Variants in LEKR1 observed in about 807,000 individuals in gnomAD.
LEKR1 encodes the protein leucine, glutamate and lysine rich 1, also known as protein LEKR1.
A neutral mutation model predicts 72.4 loss-of-function variants in LEKR1; 59 were observed. The ratio of observed to expected loss-of-function variants is 0.82; its 90% CI spans 0.66 to 1.01. LEKR1 has a LOEUF of 1.01. Ranked by LOEUF, LEKR1 falls within the 50% of genes least tolerant of loss-of-function variation. The pLI is 0.00. For missense variants in LEKR1, 728 were observed against 759.2 expected, an observed-to-expected ratio of 0.96 and a Z score of 0.48; for synonymous variants, 257 against 263.2, an observed-to-expected ratio of 0.98 and a Z score of 0.23.
chr3:157,028,265 T>C lies in LEKR1; in HGVS notation c.1531T>C (p.Leu511=). The C allele has an allele frequency of 6.2e-7, 1 of 1,613,642 alleles. No homozygotes were observed. Among genetic ancestry groups the C allele is most frequent in the Non-Finnish European group, 8.5e-7 (1 of 1,179,784 alleles). Residue 511 remains leucine, a synonymous_variant, in exon 12 of 13, where the codon TTG becomes CTG. Coordinates refer to ENST00000356539, the MANE Select transcript of LEKR1 (RefSeq NM_001004316.3). Reference sequence around the variant, plus strand: ...TTTGGTTGCAGAATTTGAATCTCGCTTGAAGAAGGAAATTGACAGTAATGA... The same window carrying C: ...TTTGGTTGCAGAATTTGAATCTCGCCTGAAGAAGGAAATTGACAGTAATGA... ...KNLVAEFESR[L]KKEIDSNDSV... is the part of the protein sequence containing the mutation.
chr3:156,966,380 A>G, intron 6 of LEKR1, among the ~76,000 whole-genome samples: 1 of 152,258 alleles, frequency 6.6e-6, no homozygotes, highest in African/African-American at 2.4e-5. Context: ...CTTTCCTAGT[A>G]AAAGAAAGGG....
chr3:157,045,325 CCT>C lies in LEKR1; in HGVS notation c.1669-8_1669-7del. The C allele has an allele frequency of 1.3e-6, 2 of 1,594,484 alleles. No individual in the cohort carries two copies. The highest frequency in any genetic ancestry group is 1.7e-6 in the Non-Finnish European group (2 of 1,168,550). On this transcript the variant is annotated splice_polypyrimidine_tract_variant and intron_variant, in intron 12 of 12. Transcript: ENST00000356539. ...TAAAGCTAAGTCTGCTTTCTTTTCC[CCT>C]CTCTCTTTTCAGAATACTTTTCTTC...
intron 3 of LEKR1, among the ~76,000 whole-genome samples, chr3:156,870,163 G>C (rs1288747233): frequency 6.6e-6 from 1 of 151,894 alleles, no homozygotes; most frequent in Non-Finnish European, 1.5e-5. Context: ...TGTTCTTTTT[G>C]CTCAGGATTG....
At chr3:156,866,832 T>A (rs1286947912) in intron 3 of LEKR1, among the ~76,000 whole-genome samples, 1 of 151,912 alleles carries the variant, frequency 6.6e-6, no homozygotes, top group African/African-American at 2.4e-5. Context: ...GAGACCGTAT[T>A]TTATATTTTT....
intron 7 of LEKR1, among the ~76,000 whole-genome samples, chr3:156,986,039 G>A (rs944286163): frequency 3.3e-5 from 5 of 152,080 alleles, no homozygotes; most frequent in Middle Eastern, 3.2e-3. Context: ...AAGAAATACA[G>A]GTGGGCTCTA....
chr3:156,907,636 A>C (rs1471899777), intron 3 of LEKR1, among the ~76,000 whole-genome samples: 1 of 152,110 alleles, frequency 6.6e-6, no homozygotes, highest in African/African-American at 2.4e-5. Flanking sequence ...TACGTGCCCA[A>C]GTCATTCTTT....
chr3:156,870,670 C>A (rs1045196419), intron 3 of LEKR1, among the ~76,000 whole-genome samples: 1 of 151,982 alleles, frequency 6.6e-6, no homozygotes, highest in Non-Finnish European at 1.5e-5. Flanking sequence ...CCTTTTATTC[C>A]TTTCTCTTGC....
At chr3:156,985,605 C>T (rs183878290) in intron 7 of LEKR1, among the ~76,000 whole-genome samples, 101 of 152,090 alleles carry the variant, frequency 6.6e-4, no homozygotes, top group African/African-American at 2.3e-3. Context: ...GAGACTGAGG[C>T]GAGGCAGGTG....
At chr3:156,854,298 C>T (rs961757787) in intron 3 of LEKR1, among the ~76,000 whole-genome samples, 1 of 151,934 alleles carries the variant, frequency 6.6e-6, no homozygotes, top group Admixed American at 6.6e-5. Context: ...TACACACCAC[C>T]ATGCACGGCT....
intron 5 of LEKR1, among the ~76,000 whole-genome samples, chr3:156,928,670 A>G (rs146198807): frequency 1.2e-3 from 186 of 152,190 alleles, no homozygotes; most frequent in African/African-American, 4.3e-3. Flanking sequence ...AGCCAGAGAA[A>G]GAGAGCTCAA....
At chr3:156,924,757 A>T (rs962847209) in intron 4 of LEKR1, 2 of 382,168 alleles carry the variant, frequency 5.2e-6, no homozygotes, top group Non-Finnish European at 9.3e-6. Flanking sequence ...TAAATTCACC[A>T]TAAATGTAAA....
intron 2 of LEKR1, among the ~76,000 whole-genome samples, chr3:156,831,232 T>C (rs1322545026): frequency 2.0e-5 from 3 of 152,034 alleles, no homozygotes; most frequent in Non-Finnish European, 4.4e-5. Flanking sequence ...TACAAAAGCC[T>C]GAAAAAACAT....
At chr3:157,012,797 C>T (rs530114959) in intron 10 of LEKR1, among the ~76,000 whole-genome samples, 24 of 152,006 alleles carry the variant, frequency 1.6e-4, no homozygotes, top group African/African-American at 5.8e-4. Context: ...TTTTCTTTTC[C>T]TTCTCTAAGG....
At chr3:156,888,226 G>C (rs1383443681) in intron 3 of LEKR1, 1 of 680,578 alleles carries the variant, frequency 1.5e-6, no homozygotes, top group Non-Finnish European at 2.7e-6. Flanking sequence ...TAAAGCAGTT[G>C]GTCAACACTT....
At chr3:156,885,202 T>C (rs917527469) in intron 3 of LEKR1, among the ~76,000 whole-genome samples, 1 of 152,160 alleles carries the variant, frequency 6.6e-6, no homozygotes, top group African/African-American at 2.4e-5. Flanking sequence ...TTTTAAAAAA[T>C]TTCTTTGTGT....
intron 2 of LEKR1, among the ~76,000 whole-genome samples, 195 bp downstream of exon 2, chr3:156,829,572 GGAA>G (rs1712094919): frequency 1.3e-5 from 2 of 152,320 alleles, no homozygotes; most frequent in South Asian, 4.1e-4. Context: ...TTGCTGCTAT[GGAA>G]GAAGACATAT....
rs569251303 is a variant in LEKR1, at chr3:156,829,889, A to C, written c.48+512A>C. ...TTTGAAAAAACTCACAGGCGAACCA[A>C]GTAGCCTAGAAATATTGAAAAAATT... is the stretch of plus-strand genomic sequence containing the variant. On this transcript the variant is annotated intron_variant, in intron 2 of 12. Coordinates refer to ENST00000356539, the MANE Select transcript of LEKR1 (RefSeq NM_001004316.3). Among the ~76,000 whole-genome samples the C allele has an allele frequency of 1.6e-3, 238 of 152,338 alleles. 3 individuals are homozygous for C. The highest frequency in any genetic ancestry group is 5.6e-3 in the African/African-American group (232 of 41,582).
chr3:156,999,586 A>T (rs1450417843), intron 9 of LEKR1, among the ~76,000 whole-genome samples: 1 of 152,232 alleles, frequency 6.6e-6, no homozygotes, highest in Non-Finnish European at 1.5e-5. Context: ...TAAGGGGGAC[A>T]GGAGGCCAGC....
At chr3:156,853,022 A>G (rs77480839) in intron 3 of LEKR1, 40 bp downstream of exon 3, 93,528 of 1,312,076 alleles carry the variant, frequency 0.071, 3,682 homozygotes, top group South Asian at 0.12. Context: ...ATTTAGTTGA[A>G]AGACAGCTAC....
Sources: gnomAD v4.1 joint callset for allele counts (sites outside exome capture counted in the v4.1 genomes callset) on GRCh38, gnomAD v4.1.1 for gene constraint, MANE v1.5 for transcripts, NCBI Gene and HGNC (gene_info 2026-07-23, HGNC 2026-07-21) for gene names.